The following WDR7 variants were observed in gnomAD, a reference collection of about 807,000 sequenced individuals.
The protein encoded by WDR7 is WD repeat-containing protein 7.
Under a neutral mutation model 169.4 loss-of-function variants are expected in WDR7, and 46 were observed. That is an observed-to-expected ratio of 0.27 (90% CI 0.21 to 0.35). WDR7 has a LOEUF of 0.35. WDR7 is among the 10% of genes least tolerant of loss of function. The probability of loss-of-function intolerance (pLI) is 1.00; values close to 1 mark genes in which losing one functional copy is unlikely to be tolerated. For synonymous variants in WDR7, 612 were observed against 666.8 expected, an observed-to-expected ratio of 0.92 and a Z score of 1.27; for missense variants, 1,534 against 1,859.3, an observed-to-expected ratio of 0.83 and a Z score of 3.22.
intron 7 of WDR7, among the ~76,000 whole-genome samples, chr18:56,688,441 G>A (rs1217216724): frequency 6.6e-6 from 1 of 152,148 alleles, no homozygotes; most frequent in South Asian, 2.1e-4. Flanking sequence ...AAACAATCTG[G>A]GCATGGTGGC....
At chr18:56,670,519 A>G in intron 1 of WDR7, among the ~76,000 whole-genome samples, 1 of 152,014 alleles carries the variant, frequency 6.6e-6, no homozygotes, top group East Asian at 1.9e-4. Flanking sequence ...ATTTTATTTT[A>G]TTTTATTTTT....
chr18:56,804,906 T>C (rs1043664840), intron 19 of WDR7, among the ~76,000 whole-genome samples: 5 of 152,226 alleles, frequency 3.3e-5, no homozygotes, highest in African/African-American at 9.6e-5. Flanking sequence ...TAATGCACTT[T>C]CGTAGCGTCA....
At chr18:56,839,260 C>T (rs2045444132) in intron 20 of WDR7, among the ~76,000 whole-genome samples, 1 of 152,110 alleles carries the variant, frequency 6.6e-6, no homozygotes, top group African/African-American at 2.4e-5. Context: ...TTTGCAAGCA[C>T]ACACAAAATT....
At chr18:56,893,135 T>G (rs2046286547) in intron 21 of WDR7, among the ~76,000 whole-genome samples, 1 of 152,216 alleles carries the variant, frequency 6.6e-6, no homozygotes, top group East Asian at 1.9e-4. Context: ...TTTTGATTCT[T>G]TGTCACTAGA....
chr18:56,860,067 T>C (rs1478084358), intron 20 of WDR7, among the ~76,000 whole-genome samples: 3 of 152,196 alleles, frequency 2.0e-5, no homozygotes, highest in African/African-American at 7.2e-5. Flanking sequence ...TACTCTTTCA[T>C]TGAATTTCAG....
At chr18:57,026,947 T>C in intron 27 of WDR7, 57 bp from the exon 28 acceptor site, 2 of 1,553,182 alleles carry the variant, frequency 1.3e-6, no homozygotes, top group Non-Finnish European at 1.8e-6. Context: ...CCAGTCTCTG[T>C]GATAGGGAAA....
At chr18:56,941,933 T>C (rs1305987636) in intron 25 of WDR7, among the ~76,000 whole-genome samples, 1 of 152,152 alleles carries the variant, frequency 6.6e-6, no homozygotes, top group Non-Finnish European at 1.5e-5. Flanking sequence ...GTGCCCTGAG[T>C]CGCTGGGAGA....
At chr18:56,680,012 T>C (rs913427273) in intron 3 of WDR7, among the ~76,000 whole-genome samples, 7 of 152,134 alleles carry the variant, frequency 4.6e-5, no homozygotes, top group South Asian at 2.1e-4. Context: ...AAATTACATA[T>C]ATTTATACAA....
At chr18:56,709,538 G>T (rs2026037551) in intron 12 of WDR7, among the ~76,000 whole-genome samples, 1 of 152,134 alleles carries the variant, frequency 6.6e-6, no homozygotes. Flanking sequence ...TGTTAGGTAT[G>T]TTACTGCTGT....
At chr18:56,766,957 T>G (rs2044077860) in intron 16 of WDR7, among the ~76,000 whole-genome samples, 1 of 152,226 alleles carries the variant, frequency 6.6e-6, no homozygotes, top group South Asian at 2.1e-4. Context: ...GGGAGATGTT[T>G]GAATTTTGCC....
intron 12 of WDR7, among the ~76,000 whole-genome samples, chr18:56,704,362 C>T (rs1467440510): frequency 7.2e-6 from 1 of 138,942 alleles, no homozygotes; most frequent in Non-Finnish European, 1.6e-5. Flanking sequence ...CATAGTGAAA[C>T]CCTGTCTCTA....
intron 22 of WDR7, among the ~76,000 whole-genome samples, chr18:56,925,677 A>C (rs944675937): frequency 2.0e-5 from 3 of 152,180 alleles, no homozygotes; most frequent in Non-Finnish European, 2.9e-5. Context: ...CAGGAAGTAG[A>C]GACCAGAGAA....
intron 20 of WDR7, among the ~76,000 whole-genome samples, chr18:56,827,260 A>G (rs1433693032): frequency 6.6e-6 from 1 of 152,130 alleles, no homozygotes; most frequent in Non-Finnish European, 1.5e-5. Flanking sequence ...CTAAGCCTCA[A>G]TTTTCTCACC....
At chr18:56,836,911 C>T (rs2045405587) in intron 20 of WDR7, among the ~76,000 whole-genome samples, 1 of 152,138 alleles carries the variant, frequency 6.6e-6, no homozygotes, top group South Asian at 2.1e-4. Context: ...CATATTTTTA[C>T]AGTTTAACAA....
chr18:56,686,978 A>G lies in WDR7; in HGVS notation c.717+4A>G. Reference sequence around the variant, plus strand: ...TGTGTGTTCCAAATATTGGAGGGTAAGATAATTATATAAATAAGAAGCTGT... The same window carrying G: ...TGTGTGTTCCAAATATTGGAGGGTAGGATAATTATATAAATAAGAAGCTGT... On this transcript the variant is annotated splice_donor_region_variant and intron_variant, in intron 7 of 27. Transcript: ENST00000254442. 6.9e-6 allele frequency: 11 copies of G among 1,602,040 alleles called. No homozygotes were observed. Among genetic ancestry groups the G allele is most frequent in the Non-Finnish European group, 9.4e-6 (11 of 1,174,524 alleles).
At chr18:56,672,428 T>A in intron 1 of WDR7, 69 bp from the exon 2 acceptor site, 1 of 1,298,470 alleles carries the variant, frequency 7.7e-7, no homozygotes, top group Non-Finnish European at 1.0e-6. Context: ...GTTGGTTTTA[T>A]AACAAAAATA....
At chr18:56,828,986 C>T (rs527906499) in intron 20 of WDR7, among the ~76,000 whole-genome samples, 1 of 151,844 alleles carries the variant, frequency 6.6e-6, no homozygotes, top group South Asian at 2.1e-4. Context: ...TTTCAAACCC[C>T]CATCTCATTG....
intron 16 of WDR7, among the ~76,000 whole-genome samples, chr18:56,776,317 T>A (rs1046050089): frequency 6.6e-6 from 1 of 152,206 alleles, no homozygotes; most frequent in African/African-American, 2.4e-5. Context: ...GTTGAAATGA[T>A]CTTAGTGAAT....
chr18:56,864,150 T>G (rs1303249400), intron 20 of WDR7, among the ~76,000 whole-genome samples: 1 of 151,808 alleles, frequency 6.6e-6, no homozygotes, highest in Admixed American at 6.6e-5. Flanking sequence ...AAGCATCAAA[T>G]GGACTTATGA....
Sources: gnomAD v4.1 joint callset for allele counts (sites outside exome capture counted in the v4.1 genomes callset) on GRCh38, gnomAD v4.1.1 for gene constraint, MANE v1.5 for transcripts, NCBI Gene and HGNC (gene_info 2026-07-23, HGNC 2026-07-21) for gene names.